The following C16orf74 variants were observed in gnomAD, a reference collection of about 807,000 sequenced individuals.
C16orf74 encodes the protein uncharacterized protein C16orf74.
A neutral mutation model predicts 6.5 loss-of-function variants in C16orf74; 10 were observed. The ratio of observed to expected loss-of-function variants is 1.54; its 90% CI spans 0.95 to 2.61. The LOEUF (loss-of-function observed/expected upper bound fraction) is 2.61. C16orf74 is among the 30% of genes most tolerant of loss of function. The pLI, the probability that C16orf74 is intolerant of heterozygous loss-of-function variation, is 0.00. For missense variants in C16orf74, 141 were observed against 105.9 expected, an observed-to-expected ratio of 1.33 and a Z score of -1.45; for synonymous variants, 60 against 42.5, an observed-to-expected ratio of 1.41 and a Z score of -1.60.
intron 1 of C16orf74, among the ~76,000 whole-genome samples, chr16:85,738,274 C>T (rs1303553398): frequency 6.6e-6 from 1 of 151,538 alleles, no homozygotes; most frequent in African/African-American, 2.4e-5. Flanking sequence ...CTGCCTGAGC[C>T]CCACCCCCAG....
intron 2 of C16orf74, among the ~76,000 whole-genome samples, chr16:85,732,634 C>T (rs1262899497): frequency 7.0e-6 from 1 of 143,664 alleles, no homozygotes; most frequent in African/African-American, 2.6e-5. Flanking sequence ...CCACTGCACT[C>T]CAGCCTGGGT....
Position 85,708,106 on chromosome 16 carries a change from C to T in C16orf74, c.173-40G>A, listed in dbSNP as rs369943295. The T allele has an allele frequency of 7.4e-6, 11 of 1,492,104 alleles. No individual in the cohort carries two copies. The African/African-American group carries it at 1.1e-4, about 15-fold the overall frequency. The allele number at this position is 1,492,104 out of a possible 1,614,324, so 92.4% of individuals were successfully genotyped here. On this transcript the variant is annotated intron_variant, in intron 3 of 3. Coordinates refer to ENST00000284245, the MANE Select transcript of C16orf74 (RefSeq NM_206967.3). ...GGATGGACACCTGGATGCACCCTGC[C>T]CCCACCACACCAAGCCCCGTTTCCC...
At chr16:85,750,339 C>T (rs980076654) in intron 1 of C16orf74, among the ~76,000 whole-genome samples, 1 of 152,022 alleles carries the variant, frequency 6.6e-6, no homozygotes, top group African/African-American at 2.4e-5. Context: ...CTGCGGGTGC[C>T]CCTTTTTACT....
chr16:85,728,264 C>T (rs941366542), intron 2 of C16orf74, among the ~76,000 whole-genome samples: 21 of 152,252 alleles, frequency 1.4e-4, no homozygotes, highest in Non-Finnish European at 2.5e-4. Flanking sequence ...TTCATAACAG[C>T]GGAATCTGGT....
chr16:85,731,210 G>T (rs2054183958), intron 2 of C16orf74, among the ~76,000 whole-genome samples: 1 of 152,218 alleles, frequency 6.6e-6, no homozygotes, highest in African/African-American at 2.4e-5. Context: ...GAGAGACAAG[G>T]TCACTTGCCC....
At chr16:85,748,925 A>ATT (rs748594620) in intron 1 of C16orf74, among the ~76,000 whole-genome samples, 1,511 of 72,806 alleles carry the variant, frequency 0.021, 33 homozygotes, top group African/African-American at 0.069. Flanking sequence ...GGAGGCTTTG[A>ATT]TTTTTTTTTT....
At chr16:85,719,810 C>A (rs1482675992) in intron 2 of C16orf74, among the ~76,000 whole-genome samples, 1 of 150,256 alleles carries the variant, frequency 6.7e-6, no homozygotes, top group Middle Eastern at 3.3e-3. Context: ...ACAGCACACA[C>A]AAAGGCCCTG....
chr16:85,747,177 C>A (rs559482569), intron 1 of C16orf74, among the ~76,000 whole-genome samples: 53 of 152,260 alleles, frequency 3.5e-4, no homozygotes, highest in African/African-American at 1.3e-3. Flanking sequence ...GAGCTGAACA[C>A]CTTTAGGATT....
intron 2 of C16orf74, among the ~76,000 whole-genome samples, chr16:85,715,836 C>T (rs1208518579): frequency 1.3e-5 from 2 of 152,178 alleles, no homozygotes; most frequent in African/African-American, 4.8e-5. Flanking sequence ...AAACAAAAGC[C>T]ACAGCCAGAA....
chr16:85,716,689 G>C (rs1037723116), intron 2 of C16orf74, among the ~76,000 whole-genome samples: 2 of 149,468 alleles, frequency 1.3e-5, no homozygotes, highest in African/African-American at 2.5e-5. Flanking sequence ...GGAGGAAGGC[G>C]AGAGGGAGGA....
intron 2 of C16orf74, among the ~76,000 whole-genome samples, chr16:85,724,204 C>T (rs867201748): frequency 4.6e-5 from 7 of 152,250 alleles, no homozygotes; most frequent in Admixed American, 3.3e-4. Context: ...CTCTGACTTC[C>T]GAGTCTTGAG....
At chr16:85,750,555 C>G (rs900169611) in intron 1 of C16orf74, among the ~76,000 whole-genome samples, 2 of 152,236 alleles carry the variant, frequency 1.3e-5, no homozygotes, top group Non-Finnish European at 2.9e-5. Flanking sequence ...CCCCCGCCCC[C>G]CGCCGGGCTG....
intron 2 of C16orf74, among the ~76,000 whole-genome samples, chr16:85,712,645 G>A (rs909709745): frequency 6.6e-6 from 1 of 152,344 alleles, no homozygotes; most frequent in East Asian, 1.9e-4. Context: ...GACCAAGGCT[G>A]CAGGCTCAGA....
At chr16:85,740,560 G>T (rs915054876) in intron 1 of C16orf74, among the ~76,000 whole-genome samples, 5 of 152,008 alleles carry the variant, frequency 3.3e-5, no homozygotes, top group Non-Finnish European at 5.9e-5. Flanking sequence ...AAATTAGCCA[G>T]GCGTGGTGGC....
At chr16:85,750,233 T>A (rs2152068119) in intron 1 of C16orf74, among the ~76,000 whole-genome samples, 1 of 152,242 alleles carries the variant, frequency 6.6e-6, no homozygotes, top group African/African-American at 2.4e-5. Context: ...CTGCACAGAT[T>A]TTCCCTTGAT....
chr16:85,712,168 C>T (rs769591610), intron 2 of C16orf74, among the ~76,000 whole-genome samples: 2 of 152,234 alleles, frequency 1.3e-5, no homozygotes, highest in Non-Finnish European at 2.9e-5. Flanking sequence ...ACAAGGGAGC[C>T]TCCTCAGCAG....
At chr16:85,714,600 C>A (rs842967) in intron 2 of C16orf74, among the ~76,000 whole-genome samples, 48,460 of 150,550 alleles carry the variant, frequency 0.32, 8,054 homozygotes, top group Middle Eastern at 0.41. Flanking sequence ...TTATATTTTT[C>A]GTAGAGACGG....
intron 1 of C16orf74, among the ~76,000 whole-genome samples, chr16:85,743,136 T>A (rs144013937): frequency 8.1e-4 from 123 of 152,222 alleles, no homozygotes; most frequent in African/African-American, 2.8e-3. Flanking sequence ...GGGGCCAGCC[T>A]CCTGCAGAGA....
chr16:85,708,277 G>A (rs1168122175), intron 3 of C16orf74, among the ~76,000 whole-genome samples: 8 of 152,104 alleles, frequency 5.3e-5, no homozygotes, highest in East Asian at 1.9e-4. Context: ...CCCTCCCAGC[G>A]TTCAGGAACC....
Sources: allele counts gnomAD v4.1 joint callset (sites outside exome capture counted in the v4.1 genomes callset), GRCh38; gene constraint gnomAD v4.1.1; transcripts MANE v1.5; gene names NCBI Gene and HGNC (gene_info 2026-07-23, HGNC 2026-07-21).